The following CANX variants were observed in gnomAD, a reference collection of about 807,000 sequenced individuals.
CANX encodes calnexin.
In CANX, 14 loss-of-function variants were observed where a neutral mutation model predicts 75.7. The observed-to-expected ratio is 0.19, with a 90% confidence interval of 0.12 to 0.29. The LOEUF is 0.29. Among genes scored for constraint, CANX ranks in the 10% least tolerant of loss-of-function variants. The probability of loss-of-function intolerance (pLI) is 1.00; values close to 1 mark genes in which losing one functional copy is unlikely to be tolerated. For synonymous variants in CANX, 227 were observed against 236.9 expected (o/e 0.96, Z 0.38); for missense variants, 567 against 713.2 (o/e 0.79, Z 2.34).
At chr5:179,716,079 T>A (rs1444069783) in intron 7 of CANX, 26 bp from the exon 8 acceptor site, 1 of 1,516,972 alleles carries the variant, frequency 6.6e-7, no homozygotes, top group Non-Finnish European at 9.1e-7. Context: ...TTAAGTACTT[T>A]TAATTCCATT....
At chr5:179,692,724 C>T (rs1197410644) in intron 1 of CANX, among the ~76,000 whole-genome samples, 1 of 152,082 alleles carries the variant, frequency 6.6e-6, no homozygotes, top group African/African-American at 2.4e-5. Context: ...CCATGTTGCC[C>T]AGGCTGGTCT....
intron 8 of CANX, among the ~76,000 whole-genome samples, chr5:179,717,721 CTT>C (rs34244748): frequency 1.0e-4 from 15 of 144,870 alleles, no homozygotes; most frequent in Admixed American, 5.5e-4. Flanking sequence ...TCTTTTCTTG[CTT>C]TTTTTTTTTT....
chr5:179,729,888 G>A lies in CANX; in HGVS notation c.*1244G>A, dbSNP rs1310419081. 6.6e-5 allele frequency: 10 copies of A among 152,516 alleles called. No individual in the cohort carries two copies. The highest frequency in any genetic ancestry group is 8.8e-5 in the Non-Finnish European group (6 of 68,018). The allele number at this position is 152,516 out of a possible 1,614,324, so 9.4% of individuals were successfully genotyped here. On this transcript the variant is annotated 3_prime_UTR_variant, in exon 15 of 15. Coordinates refer to ENST00000247461, the MANE Select transcript of CANX (RefSeq NM_001746.4). The stretch of plus-strand genomic sequence containing the variant: ...AAGCATGAGTTATCTGATTTTTTTT[G>A]TAGCTGCTATATATTTTAAGCCTTC...
At chr5:179,695,835 A>G (rs1001116226), upstream of CANX, among the ~76,000 whole-genome samples, 1 of 146,094 alleles carries the variant, frequency 6.8e-6, no homozygotes, top group Non-Finnish European at 1.5e-5. Flanking sequence ...TATTTTTAGT[A>G]GAGATGGGGT....
chr5:179,723,310 G>A (rs989112185), intron 11 of CANX, among the ~76,000 whole-genome samples: 1 of 151,676 alleles, frequency 6.6e-6, no homozygotes, highest in African/African-American at 2.4e-5. Context: ...GTTGAATCTC[G>A]GTTTACACTA....
chr5:179,718,766 G>A (rs1778125218), intron 8 of CANX, among the ~76,000 whole-genome samples: 1 of 152,172 alleles, frequency 6.6e-6, no homozygotes, highest in Non-Finnish European at 1.5e-5. Flanking sequence ...GACCTCAGGT[G>A]ATCTGCCCAC....
At chr5:179,701,992 C>T (rs1213167182) in intron 1 of CANX, among the ~76,000 whole-genome samples, 3 of 151,840 alleles carry the variant, frequency 2.0e-5, no homozygotes, top group South Asian at 2.1e-4. Context: ...CCGCCCACCT[C>T]GGCCTCCCAA....
At chr5:179,691,612 A>T (rs1283805259) in intron 1 of CANX, among the ~76,000 whole-genome samples, 1 of 152,044 alleles carries the variant, frequency 6.6e-6, no homozygotes, top group African/African-American at 2.4e-5. Context: ...AGCAGATGTC[A>T]TTTGGCTCTG....
At chr5:179,694,230 A>T, upstream of CANX, 1 of 375,804 alleles carries the variant, frequency 2.7e-6, no homozygotes, top group South Asian at 5.6e-5. Flanking sequence ...ACCAAAGGGC[A>T]AGATGTCTGC....
At chr5:179,701,503 G>A (rs889524437) in intron 1 of CANX, among the ~76,000 whole-genome samples, 2 of 151,752 alleles carry the variant, frequency 1.3e-5, no homozygotes, top group Admixed American at 6.6e-5. Context: ...CTGGAAGGCG[G>A]AGGTTGCAGT....
In CANX at chr5:179,684,924, G is replaced by GTTT. The variant is rs781629512; in HGVS notation, c.-4+6148_-4+6149insTTT. On this transcript the variant is annotated intron_variant, in intron 1 of 14. Transcript: ENST00000681674. ...TGTGCCACCACACCTGGCTAATTTT[G>GTTT]TATTTTTTTTTTTTTTTTTTTTTTT... 4.8e-3 allele frequency among the ~76,000 whole-genome samples: 139 copies of GTTT among 28,986 alleles called. 14 individuals are homozygous for GTTT. Among genetic ancestry groups the GTTT allele is most frequent in the Middle Eastern group, 0.033 (1 of 30 alleles). The allele number at this position is 28,986 out of a possible 152,430, so 19.0% of individuals were successfully genotyped here.
chr5:179,687,139 G>A (rs970866286), intron 1 of CANX, among the ~76,000 whole-genome samples: 3 of 151,714 alleles, frequency 2.0e-5, no homozygotes, highest in African/African-American at 7.3e-5. Flanking sequence ...CTACCGCTCT[G>A]TCACCCAGGC....
At chr5:179,685,340 T>C (rs1386844381) in intron 1 of CANX, among the ~76,000 whole-genome samples, 1 of 151,914 alleles carries the variant, frequency 6.6e-6, no homozygotes, top group Non-Finnish European at 1.5e-5. Context: ...AGTGGTGCAA[T>C]CTTGGCTCAC....
chr5:179,718,621 C>T (rs1052038071), intron 8 of CANX, among the ~76,000 whole-genome samples: 1 of 152,024 alleles, frequency 6.6e-6, no homozygotes, highest in South Asian at 2.1e-4. Flanking sequence ...CTCTGCCTCC[C>T]GGTTTCAAGT....
chr5:179,683,807 T>TA (rs1451564278), intron 1 of CANX, among the ~76,000 whole-genome samples: 7 of 152,206 alleles, frequency 4.6e-5, no homozygotes, highest in African/African-American at 1.7e-4. Flanking sequence ...CTGCTGGAAT[T>TA]ACAGGTGTGA....
At chr5:179,700,357 G>A (rs1776656058) in intron 1 of CANX, 1 of 152,110 alleles carries the variant, frequency 6.6e-6, no homozygotes, top group Non-Finnish European at 1.5e-5. Context: ...GAATTTTATT[G>A]ATCTTTAAAA....
At chr5:179,680,851 A>G (rs1776044494) in intron 1 of CANX, 1 of 1,532,176 alleles carries the variant, frequency 6.5e-7, no homozygotes, top group Middle Eastern at 1.7e-4. Flanking sequence ...ATATAGGTGG[A>G]CAGAGGCTGG....
chr5:179,723,625 C>G, intron 11 of CANX, 35 bp from the exon 12 acceptor site: 1 of 1,605,782 alleles, frequency 6.2e-7, no homozygotes, highest in Non-Finnish European at 8.5e-7. Flanking sequence ...GTGTCAAAAG[C>G]TGGAACTTTC....
intron 13 of CANX, among the ~76,000 whole-genome samples, chr5:179,725,658 GT>G (rs1402922939): frequency 7.8e-6 from 1 of 127,622 alleles, no homozygotes; most frequent in African/African-American, 3.0e-5. Flanking sequence ...TCCAGCCTGG[GT>G]GACAGAGCAA....
Sources: allele counts gnomAD v4.1 joint callset (sites outside exome capture counted in the v4.1 genomes callset), GRCh38; gene constraint gnomAD v4.1.1; transcripts MANE v1.5; gene names NCBI Gene and HGNC (gene_info 2026-07-23, HGNC 2026-07-21).